The following NKAIN2 variants were observed in gnomAD, a reference collection of about 807,000 sequenced individuals.
The protein encoded by NKAIN2 is sodium/potassium transporting ATPase interacting 2, also known as sodium/potassium-transporting ATPase subunit beta-1-interacting protein 2.
In NKAIN2, 14 loss-of-function variants were observed where a neutral mutation model predicts 32.6. The observed-to-expected ratio is 0.43, with a 90% confidence interval of 0.28 to 0.67. NKAIN2 has a LOEUF of 0.67. Among genes scored for constraint, NKAIN2 ranks in the 30% least tolerant of loss-of-function variants. The probability of loss-of-function intolerance (pLI) is 0.17; values close to 1 mark genes in which losing one functional copy is unlikely to be tolerated. For missense variants in NKAIN2, 198 were observed against 258.3 expected (o/e 0.77, Z 1.60); for synonymous variants, 80 against 87.2 (o/e 0.92, Z 0.46).
At chr6:124,712,172 C>A (rs558521609) in intron 4 of NKAIN2, among the ~76,000 whole-genome samples, 3 of 151,102 alleles carry the variant, frequency 2.0e-5, no homozygotes, top group Admixed American at 6.6e-5. Flanking sequence ...GCAGTCTGCC[C>A]GTTCTCAGAT....
intron 1 of NKAIN2, among the ~76,000 whole-genome samples, chr6:124,082,548 G>T (rs988827727): frequency 5.3e-5 from 8 of 151,676 alleles, no homozygotes; most frequent in African/African-American, 1.9e-4. Flanking sequence ...AAATAGAAAT[G>T]TAGACTTAAA....
At chr6:124,645,146 TAG>T (rs1341080738) in intron 3 of NKAIN2, among the ~76,000 whole-genome samples, 4 of 152,142 alleles carry the variant, frequency 2.6e-5, no homozygotes, top group Non-Finnish European at 5.9e-5. Flanking sequence ...TGAAAGTAGA[TAG>T]AGGATTGGCA....
At chr6:124,140,860 G>A (rs79655574) in intron 1 of NKAIN2, among the ~76,000 whole-genome samples, 1,624 of 152,058 alleles carry the variant, frequency 0.011, 28 homozygotes, top group African/African-American at 0.037. Context: ...CTTCTAACTC[G>A]ACCCCAATCA....
chr6:124,307,580 G>T (rs886449677), intron 2 of NKAIN2, among the ~76,000 whole-genome samples: 20 of 152,062 alleles, frequency 1.3e-4, no homozygotes, highest in Non-Finnish European at 2.8e-4. Flanking sequence ...TGTATCCTGT[G>T]GTTGTCACTG....
At chr6:124,030,263 A>C in intron 1 of NKAIN2, among the ~76,000 whole-genome samples, 1 of 152,138 alleles carries the variant, frequency 6.6e-6, no homozygotes, top group Non-Finnish European at 1.5e-5. Flanking sequence ...CATGTAATGC[A>C]CTTGAATCAT....
intron 3 of NKAIN2, among the ~76,000 whole-genome samples, chr6:124,393,385 A>G (rs1773226685): frequency 6.6e-6 from 1 of 151,544 alleles, no homozygotes; most frequent in East Asian, 1.9e-4. Context: ...CTCTTAAGTG[A>G]TATGTGTACA....
chr6:124,530,347 G>A (rs1023852389), intron 3 of NKAIN2, among the ~76,000 whole-genome samples: 4 of 152,150 alleles, frequency 2.6e-5, no homozygotes, highest in Non-Finnish European at 5.9e-5. Context: ...CTAAGTGGAA[G>A]TGAATCACCA....
At position 124,112,842 on chromosome 6, in the gene NKAIN2, C is replaced by G. The variant is rs1414356218; in HGVS notation, c.55-170163C>G. Among the ~76,000 whole-genome samples the G allele has an allele frequency of 2.0e-5, 3 of 151,746 alleles. No individual in the cohort carries two copies. In the East Asian group the frequency reaches 5.9e-4, roughly 30 times the overall value. On this transcript the variant is annotated intron_variant, in intron 1 of 6. Coordinates refer to ENST00000368417, the MANE Select transcript of NKAIN2 (RefSeq NM_001040214.3). ...GATACTTTCTTCTGCTTGATCTAGTCTGCTGCTGAACCCCTTTAGTGCATT... is the reference window on the plus strand; with the variant it reads ...GATACTTTCTTCTGCTTGATCTAGTGTGCTGCTGAACCCCTTTAGTGCATT...
chr6:124,805,538 G>C (rs1364450562), intron 5 of NKAIN2, among the ~76,000 whole-genome samples: 1 of 152,046 alleles, frequency 6.6e-6, no homozygotes, highest in Non-Finnish European at 1.5e-5. Flanking sequence ...CACAAAGATG[G>C]GGAAAAAACA....
At chr6:124,598,725 A>G (rs1782192710) in intron 3 of NKAIN2, among the ~76,000 whole-genome samples, 1 of 152,064 alleles carries the variant, frequency 6.6e-6, no homozygotes, top group South Asian at 2.1e-4. Context: ...TAAAGCCCAT[A>G]GCACTTAAGA....
chr6:124,130,011 T>C lies in NKAIN2; in HGVS notation c.55-152994T>C, dbSNP rs147035587. On this transcript the variant is annotated intron_variant, in intron 1 of 6. Coordinates refer to ENST00000368417, the MANE Select transcript of NKAIN2 (RefSeq NM_001040214.3). The stretch of plus-strand genomic sequence containing the variant: ...TTTTCTCAGCTTCAGACTTACATGA[T>C]TTAGTTTCTGCAATCTAAGTGAAAA... Among the ~76,000 whole-genome samples, 113 of 152,326 alleles carry C rather than the reference T, an allele frequency of 7.4e-4. 1 individual carries two copies. Among genetic ancestry groups the C allele is most frequent in the African/African-American group, 2.5e-3 (102 of 41,572 alleles).
chr6:124,739,391 C>CTGTG (rs146249002), intron 4 of NKAIN2, among the ~76,000 whole-genome samples: 3 of 151,332 alleles, frequency 2.0e-5, no homozygotes, highest in South Asian at 2.1e-4. Context: ...CTGTCTTATT[C>CTGTG]TGTGTGTGTG....
intron 3 of NKAIN2, among the ~76,000 whole-genome samples, chr6:124,559,706 A>G (rs1583438909): frequency 6.6e-6 from 1 of 151,966 alleles, no homozygotes; most frequent in Admixed American, 6.6e-5. Context: ...TCCTCCTTCT[A>G]TCATGCCACA....
intron 1 of NKAIN2, among the ~76,000 whole-genome samples, chr6:123,970,234 TC>T (rs756190894): frequency 2.0e-5 from 3 of 152,180 alleles, no homozygotes; most frequent in Non-Finnish European, 2.9e-5. Flanking sequence ...AAAAGGAACT[TC>T]ATTTTATTTT....
chr6:124,554,841 A>G (rs1780415542), intron 3 of NKAIN2, among the ~76,000 whole-genome samples: 1 of 152,100 alleles, frequency 6.6e-6, no homozygotes, highest in Non-Finnish European at 1.5e-5. Context: ...CATGCCAACA[A>G]GCCCGTGGGG....
intron 1 of NKAIN2, among the ~76,000 whole-genome samples, chr6:123,875,260 G>A (rs1773119044): frequency 1.3e-5 from 2 of 151,676 alleles, no homozygotes; most frequent in African/African-American, 4.8e-5. Context: ...GAGTTATTTG[G>A]TTAAAACGTA....
chr6:124,617,271 A>G (rs1254675099), intron 3 of NKAIN2, among the ~76,000 whole-genome samples: 2 of 152,308 alleles, frequency 1.3e-5, no homozygotes, highest in African/African-American at 4.8e-5. Flanking sequence ...CCGAGATTCA[A>G]AGTCTTCCTT....
intron 1 of NKAIN2, among the ~76,000 whole-genome samples, chr6:124,202,641 AC>A (rs1562419888): frequency 6.6e-6 from 1 of 151,860 alleles, no homozygotes; most frequent in Non-Finnish European, 1.5e-5. Flanking sequence ...GTCATTTAAC[AC>A]CTTTGAATGT....
chr6:124,623,690 A>G (rs894156883), intron 3 of NKAIN2, among the ~76,000 whole-genome samples: 1 of 152,180 alleles, frequency 6.6e-6, no homozygotes, highest in Non-Finnish European at 1.5e-5. Context: ...TAAATTCAGG[A>G]TCAGCAGAAT....
Sources: allele counts gnomAD v4.1 joint callset (sites outside exome capture counted in the v4.1 genomes callset), GRCh38; gene constraint gnomAD v4.1.1; transcripts MANE v1.5; gene names NCBI Gene and HGNC (gene_info 2026-07-23, HGNC 2026-07-21).